Variants in SENP2 observed in about 807,000 individuals in gnomAD.
SENP2 encodes SUMO specific peptidase 2, also known as sentrin-specific protease 2.
Under a neutral mutation model 86.3 loss-of-function variants are expected in SENP2, and 16 were observed. That is an observed-to-expected ratio of 0.19 (90% CI 0.13 to 0.28). The LOEUF (loss-of-function observed/expected upper bound fraction) is 0.28, where lower values mean the gene tolerates loss of function less well. SENP2 is among the 10% of genes least tolerant of loss of function. The probability of loss-of-function intolerance (pLI) is 1.00; values close to 1 mark genes in which losing one functional copy is unlikely to be tolerated. For synonymous variants in SENP2, 222 were observed against 238.7 expected (o/e 0.93, Z 0.64); for missense variants, 552 against 703.0 (o/e 0.79, Z 2.43).
intron 9 of SENP2, 134 bp downstream of exon 9, chr3:185,612,792 A>G (rs976092779): frequency 6.6e-6 from 4 of 608,506 alleles, no homozygotes; most frequent in Non-Finnish European, 8.6e-6. Context: ...CATATAGGGT[A>G]GATAGGTAGC....
chr3:185,611,629 C>T, intron 7 of SENP2, 22 bp from the exon 8 acceptor site: 1 of 1,548,796 alleles, frequency 6.5e-7, no homozygotes, highest in East Asian at 2.2e-5. Context: ...ATCTGATCTC[C>T]CTCACTTTTT....
At chr3:185,599,454 A>C (rs1339873744) in intron 4 of SENP2, among the ~76,000 whole-genome samples, 1 of 152,148 alleles carries the variant, frequency 6.6e-6, no homozygotes, top group African/African-American at 2.4e-5. Context: ...AGGGACTTCC[A>C]TGTCATCCTT....
intron 10 of SENP2, among the ~76,000 whole-genome samples, chr3:185,613,831 A>AG (rs1254511479): frequency 1.1e-4 from 17 of 150,996 alleles, no homozygotes; most frequent in African/African-American, 3.9e-4. Flanking sequence ...CTGTCTCAAA[A>AG]AAAAAAAAAA....
intron 16 of SENP2, among the ~76,000 whole-genome samples, chr3:185,629,137 A>G (rs1037860219): frequency 1.3e-5 from 2 of 152,236 alleles, no homozygotes; most frequent in African/African-American, 2.4e-5. Flanking sequence ...AAAACAGAAT[A>G]TGTTCATTTT....
rs538001305 is a variant in SENP2, at chr3:185,592,616, C to T, written c.157+2447C>T. Among the ~76,000 whole-genome samples, 106 of 136,536 alleles carry T rather than the reference C, an allele frequency of 7.8e-4. No individual in the cohort carries two copies. In the Middle Eastern group the frequency reaches 0.016, roughly 20 times the overall value. The allele number at this position is 136,536 out of a possible 152,430, so 89.6% of individuals were successfully genotyped here. On this transcript the variant is annotated intron_variant, in intron 2 of 16. Coordinates refer to ENST00000296257, the MANE Select transcript of SENP2 (RefSeq NM_021627.3). Reference sequence around the variant, plus strand: ...AATACAAAAATTAGTAAGACAGGGTCTCCTTTTTTTTTTTTTTTGAGATGG... The same window carrying T: ...AATACAAAAATTAGTAAGACAGGGTTTCCTTTTTTTTTTTTTTTGAGATGG...
rs531990968 is a variant in SENP2 at position 185,587,207 on chromosome 3, AC to A, written c.101+695del. 1.1e-4 allele frequency among the ~76,000 whole-genome samples: 16 copies of A among 152,182 alleles called. No individual in the cohort carries two copies. In the East Asian group the frequency reaches 3.1e-3, roughly 29 times the overall value. On this transcript the variant is annotated intron_variant, in intron 1 of 16. Transcript: ENST00000296257. ...GAGTGCAGTGGTGCGATCTCGGCTT[AC>A]CGCAACCTCCGCCTCCTGGGTTCAA...
chr3:185,606,631 AATGAG>A, intron 6 of SENP2, 133 bp downstream of exon 6: 1 of 778,866 alleles, frequency 1.3e-6, no homozygotes, highest in Non-Finnish European at 2.0e-6. Context: ...CCTCCAACAA[AATGAG>A]GCTGTCTTAA....
At chr3:185,628,618 C>T (rs749721204) in intron 16 of SENP2, among the ~76,000 whole-genome samples, 6 of 152,124 alleles carry the variant, frequency 3.9e-5, no homozygotes, top group Admixed American at 2.0e-4. Flanking sequence ...GCAAGTCTTC[C>T]GCTTCAGCCT....
chr3:185,606,317 T>C lies in SENP2; in HGVS notation c.450-13T>C, dbSNP rs780058999. 2 of 1,576,694 alleles carry C rather than the reference T, an allele frequency of 1.3e-6. No homozygotes were observed. Among genetic ancestry groups the C allele is most frequent in the Non-Finnish European group, 1.7e-6 (2 of 1,166,734 alleles). ...TTGGTGATACTTTTTTTCTTTTTTTTTCTGTTGCTCAGTTTTACTTTGAAC... is the reference window on the plus strand; with the variant it reads ...TTGGTGATACTTTTTTTCTTTTTTTCTCTGTTGCTCAGTTTTACTTTGAAC... On this transcript the variant is annotated splice_polypyrimidine_tract_variant and intron_variant, in intron 5 of 16. Coordinates refer to ENST00000296257, the MANE Select transcript of SENP2 (RefSeq NM_021627.3).
intron 1 of SENP2, among the ~76,000 whole-genome samples, chr3:185,589,030 A>G (rs1330295427): frequency 6.6e-6 from 1 of 152,188 alleles, no homozygotes; most frequent in Non-Finnish European, 1.5e-5. Flanking sequence ...GTTGGAATGT[A>G]TAAAGTTATG....
At chr3:185,592,011 C>CTTATTTTTTTTTTTTTTTTTT (rs1722018616) in intron 2 of SENP2, among the ~76,000 whole-genome samples, 1 of 65,804 alleles carries the variant, frequency 1.5e-5, no homozygotes, top group Non-Finnish European at 2.7e-5. Flanking sequence ...GGTAATATTT[C>CTTATTTTTTTTTTTTTTTTTT]TTTTTTTTTT....
At chr3:185,602,858 G>T (rs1315292429) in intron 5 of SENP2, among the ~76,000 whole-genome samples, 4 of 106,796 alleles carry the variant, frequency 3.7e-5, no homozygotes, top group African/African-American at 7.4e-5. Flanking sequence ...AAAAAAAAAA[G>T]TTTGATGAGG....
intron 6 of SENP2, among the ~76,000 whole-genome samples, chr3:185,607,926 A>G (rs114600627): frequency 0.011 from 1,662 of 152,372 alleles, 12 homozygotes; most frequent in South Asian, 0.026. Context: ...AACACTCAGC[A>G]TGATGAAGAG....
intron 15 of SENP2, among the ~76,000 whole-genome samples, chr3:185,624,780 A>G (rs1360509256): frequency 1.3e-5 from 2 of 151,822 alleles, no homozygotes; most frequent in Non-Finnish European, 2.9e-5. Flanking sequence ...AAGCAGGAGA[A>G]TCACTTGAAC....
intron 11 of SENP2, among the ~76,000 whole-genome samples, chr3:185,617,070 AT>A (rs1158285049): frequency 6.6e-6 from 1 of 152,208 alleles, no homozygotes; most frequent in African/African-American, 2.4e-5. Context: ...TTAGATGTAA[AT>A]ATTATTATTA....
intron 14 of SENP2, among the ~76,000 whole-genome samples, 187 bp downstream of exon 14, chr3:185,622,092 C>G (rs1265970651): frequency 6.6e-6 from 1 of 152,146 alleles, no homozygotes; most frequent in Non-Finnish European, 1.5e-5. Flanking sequence ...TCACTGGAAA[C>G]AAGTTTGTCA....
chr3:185,629,705 AC>A, intron 16 of SENP2, 76 bp from the exon 17 acceptor site: 1 of 1,381,148 alleles, frequency 7.2e-7, no homozygotes, highest in Non-Finnish European at 1.0e-6. Flanking sequence ...CTGCTTTATT[AC>A]ATGATTACAC....
At chr3:185,589,751 C>A (rs1225486911) in intron 1 of SENP2, among the ~76,000 whole-genome samples, 1 of 152,136 alleles carries the variant, frequency 6.6e-6, no homozygotes, top group Non-Finnish European at 1.5e-5. Flanking sequence ...CTCACTGCAG[C>A]CTTACTTCCT....
chr3:185,589,256 G>T (rs937456971), intron 1 of SENP2, among the ~76,000 whole-genome samples: 2 of 152,018 alleles, frequency 1.3e-5, no homozygotes, highest in Non-Finnish European at 2.9e-5. Context: ...TATAACACTT[G>T]ATTAAGATTT....
Sources: gnomAD v4.1 joint callset for allele counts (sites outside exome capture counted in the v4.1 genomes callset) on GRCh38, gnomAD v4.1.1 for gene constraint, MANE v1.5 for transcripts, NCBI Gene and HGNC (gene_info 2026-07-23, HGNC 2026-07-21) for gene names.